Variants in EIF4G3 observed in about 807,000 individuals in gnomAD.
The protein encoded by EIF4G3 is eIF-4-gamma 3.
EIF4G3 carries 34 observed loss-of-function variants against 186.4 expected under a neutral mutation model. The observed-to-expected ratio is 0.18, with a 90% confidence interval of 0.14 to 0.24. The LOEUF (loss-of-function observed/expected upper bound fraction) is 0.24. Among genes scored for constraint, EIF4G3 ranks in the 10% least tolerant of loss-of-function variants. EIF4G3 has a pLI of 1.00. For synonymous variants in EIF4G3, 673 were observed against 679.5 expected (o/e 0.99, Z 0.15); for missense variants, 1,536 against 1,948.5 (o/e 0.79, Z 3.99).
At chr1:20,829,030 G>T in intron 31 of EIF4G3, 117 bp downstream of exon 31, 1 of 1,089,930 alleles carries the variant, frequency 9.2e-7, no homozygotes, top group Non-Finnish European at 1.3e-6. Context: ...AAGAGTCACA[G>T]CCTGCATTCA....
chr1:20,918,761 G>A (rs1280058558), intron 14 of EIF4G3, among the ~76,000 whole-genome samples: 1 of 134,588 alleles, frequency 7.4e-6, no homozygotes, highest in Non-Finnish European at 1.5e-5. Context: ...GCCCAGGCTG[G>A]TCTTCAACTC....
At chr1:20,999,725 G>A in intron 6 of EIF4G3, 2 of 454,488 alleles carry the variant, frequency 4.4e-6, no homozygotes, top group South Asian at 3.1e-5. Flanking sequence ...GTCACCATTG[G>A]CTATTGAGTT....
rs1238577662 is a variant in EIF4G3, at chr1:20,852,227, C to T, written c.3552-749G>A. 2.0e-5 allele frequency among the ~76,000 whole-genome samples: 3 copies of T among 152,092 alleles called. 1 individual carries two copies. Among genetic ancestry groups the T allele is most frequent in the Non-Finnish European group, 4.4e-5 (3 of 68,024 alleles). ...ATGTTGGTCAGGCTGGTCTCGAACTCCCGATCTCAGGTGATCTGCCCACCT... is the reference window on the plus strand; with the variant it reads ...ATGTTGGTCAGGCTGGTCTCGAACTTCCGATCTCAGGTGATCTGCCCACCT... On this transcript the variant is annotated intron_variant, in intron 27 of 36. Transcript: ENST00000602326.
At chr1:21,166,768 G>C (rs2097862227) in intron 2 of EIF4G3, among the ~76,000 whole-genome samples, 1 of 151,830 alleles carries the variant, frequency 6.6e-6, no homozygotes, top group Non-Finnish European at 1.5e-5. Context: ...ATGAATTAAG[G>C]GTTTTTTTTG....
At chr1:20,969,400 C>T in intron 12 of EIF4G3, 74 bp downstream of exon 12, 1 of 1,542,048 alleles carries the variant, frequency 6.5e-7, no homozygotes, top group Non-Finnish European at 8.9e-7. Context: ...CAGAAAGTGG[C>T]TATAGAAGAA....
At chr1:21,062,633 A>T (rs2094982546) in intron 3 of EIF4G3, among the ~76,000 whole-genome samples, 1 of 152,154 alleles carries the variant, frequency 6.6e-6, no homozygotes, top group Non-Finnish European at 1.5e-5. Flanking sequence ...CTCGTTGCCC[A>T]AGCTGGAGTG....
chr1:21,040,725 G>T (rs1322218379), intron 4 of EIF4G3, among the ~76,000 whole-genome samples: 1 of 152,160 alleles, frequency 6.6e-6, no homozygotes, highest in Non-Finnish European at 1.5e-5. Flanking sequence ...AACTAAATAT[G>T]GTCTGAGAAG....
At position 20,982,373 on chromosome 1, in the gene EIF4G3, C is replaced by T. The variant is rs561792606; in HGVS notation, c.198+15G>A. On this transcript the variant is annotated intron_variant, in intron 8 of 36. Coordinates refer to ENST00000602326, the MANE Select transcript of EIF4G3 (RefSeq NM_001391906.1). ...TGAGTTATAAAGAGGCCATGCAGAA[C>T]CAGTAGTTTGTTACCTGGATAGGTC... is the stretch of plus-strand genomic sequence containing the variant. The T allele has an allele frequency of 5.3e-6, 8 of 1,520,302 alleles. No homozygotes were observed. The highest frequency in any genetic ancestry group is 1.4e-5 in the African/African-American group (1 of 72,036). 94.2% of individuals were successfully genotyped at this position (1,520,302 alleles called of 1,614,324 possible). A position where few individuals can be genotyped will look rare whatever the true frequency, so the allele number is the denominator to read the frequency against.
At chr1:21,121,960 T>C (rs1324501499) in intron 2 of EIF4G3, among the ~76,000 whole-genome samples, 1 of 152,086 alleles carries the variant, frequency 6.6e-6, no homozygotes, top group Admixed American at 6.6e-5. Context: ...GTAATGGGCT[T>C]ATTATTAAGC....
chr1:21,048,733 A>G (rs1476604648), intron 4 of EIF4G3, among the ~76,000 whole-genome samples: 2 of 152,098 alleles, frequency 1.3e-5, no homozygotes, highest in East Asian at 1.9e-4. Flanking sequence ...CTGAGGGTGG[A>G]TTTTCAGTAA....
intron 18 of EIF4G3, chr1:20,892,525 T>C (rs2086432042): frequency 2.1e-6 from 2 of 942,794 alleles, no homozygotes; most frequent in Non-Finnish European, 3.3e-6. Flanking sequence ...TGTTAAAATT[T>C]TGACTTAACA....
intron 14 of EIF4G3, among the ~76,000 whole-genome samples, chr1:20,907,019 T>C (rs891911707): frequency 2.0e-5 from 3 of 152,160 alleles, no homozygotes; most frequent in Non-Finnish European, 1.5e-5. Flanking sequence ...ATTTTCATGA[T>C]AATTAACACT....
At chr1:20,920,761 ACCTCAG>A (rs1178360506) in intron 14 of EIF4G3, among the ~76,000 whole-genome samples, 1 of 151,806 alleles carries the variant, frequency 6.6e-6, no homozygotes, top group Non-Finnish European at 1.5e-5. Context: ...TTCCCCATTA[ACCTCAG>A]TTCTGGGCCT....
intron 2 of EIF4G3, among the ~76,000 whole-genome samples, chr1:21,104,641 A>C (rs2096583443): frequency 6.6e-6 from 1 of 152,248 alleles, no homozygotes; most frequent in Admixed American, 6.5e-5. Flanking sequence ...AAATTACTTC[A>C]GCCATTGTGA....
chr1:20,998,901 T>A, intron 6 of EIF4G3: 1 of 353,582 alleles, frequency 2.8e-6, no homozygotes. Flanking sequence ...TTATTTCCTC[T>A]ATAGAGACTT....
chr1:21,144,024 T>C (rs1329721491), intron 2 of EIF4G3, among the ~76,000 whole-genome samples: 1 of 152,228 alleles, frequency 6.6e-6, no homozygotes, highest in Admixed American at 6.5e-5. Context: ...TGAGACACTA[T>C]GCCAGACCCA....
At chr1:21,013,141 T>C (rs533219210) in intron 4 of EIF4G3, among the ~76,000 whole-genome samples, 4 of 152,088 alleles carry the variant, frequency 2.6e-5, no homozygotes, top group South Asian at 2.1e-4. Context: ...GCCGGCAGAA[T>C]CTGGGAGGGA....
intron 14 of EIF4G3, among the ~76,000 whole-genome samples, chr1:20,917,501 T>C (rs1392537917): frequency 1.3e-5 from 2 of 152,288 alleles, no homozygotes; most frequent in East Asian, 1.9e-4. Context: ...AGTGAGACCC[T>C]ATCTCAGAAA....
chr1:21,052,752 C>G (rs887681776), intron 3 of EIF4G3, among the ~76,000 whole-genome samples: 2 of 152,214 alleles, frequency 1.3e-5, no homozygotes, highest in Non-Finnish European at 1.5e-5. Context: ...GACTGGTTCT[C>G]GTATTTTTTT....
Sources: allele counts gnomAD v4.1 joint callset (sites outside exome capture counted in the v4.1 genomes callset), GRCh38; gene constraint gnomAD v4.1.1; transcripts MANE v1.5; gene names NCBI Gene and HGNC (gene_info 2026-07-23, HGNC 2026-07-21).